The following AGTPBP1 variants were observed in gnomAD, a reference collection of about 807,000 sequenced individuals.
The protein encoded by AGTPBP1 is ATP/GTP binding carboxypeptidase 1.
A neutral mutation model predicts 143.9 loss-of-function variants in AGTPBP1; 70 were observed. The observed-to-expected ratio is 0.49, with a 90% CI of 0.40 to 0.59. The LOEUF (loss-of-function observed/expected upper bound fraction) is 0.59, where lower values mean the gene tolerates loss of function less well. Among genes scored for constraint, AGTPBP1 ranks in the 20% least tolerant of loss-of-function variants. The probability of loss-of-function intolerance (pLI) is 0.00; values close to 1 mark genes in which losing one functional copy is unlikely to be tolerated. For missense variants in AGTPBP1, 1,229 were observed against 1,464.5 expected (o/e 0.84, Z 2.62); for synonymous variants, 463 against 500.2 (o/e 0.93, Z 0.99).
chr9:85,632,548 G>T (rs1831747094), intron 14 of AGTPBP1, 114 bp downstream of exon 14: 2 of 923,316 alleles, frequency 2.2e-6, no homozygotes. Flanking sequence ...TAAAAATACA[G>T]TAACTTATAA....
upstream of AGTPBP1, chr9:85,742,104 G>T: frequency 2.0e-6 from 2 of 1,019,712 alleles, no homozygotes; most frequent in Non-Finnish European, 1.2e-6. Context: ...CGCGTCCCTT[G>T]TTACCTCCGT....
At chr9:85,693,813 G>A (rs1439119958) in intron 2 of AGTPBP1, among the ~76,000 whole-genome samples, 1 of 152,130 alleles carries the variant, frequency 6.6e-6, no homozygotes, top group African/African-American at 2.4e-5. Flanking sequence ...GGGGGAGAGA[G>A]ACAGTTTTAG....
intron 6 of AGTPBP1, 149 bp downstream of exon 6, chr9:85,677,287 G>T: frequency 2.9e-6 from 2 of 686,602 alleles, no homozygotes; most frequent in Non-Finnish European, 4.6e-6. Flanking sequence ...AAAATATCAT[G>T]TGTACCCCCA....
intron 13 of AGTPBP1, among the ~76,000 whole-genome samples, chr9:85,640,051 T>C (rs1242492570): frequency 6.6e-6 from 1 of 152,154 alleles, no homozygotes; most frequent in Non-Finnish European, 1.5e-5. Context: ...CTGAAAATAA[T>C]ATACAAATGA....
At chr9:85,555,007 A>G (rs1826247856) in intron 25 of AGTPBP1, among the ~76,000 whole-genome samples, 2 of 152,204 alleles carry the variant, frequency 1.3e-5, no homozygotes, top group Admixed American at 1.3e-4. Context: ...GGTAAGTAGA[A>G]AATGTCCAAA....
upstream of AGTPBP1, among the ~76,000 whole-genome samples, chr9:85,744,931 A>G (rs1824564190): frequency 6.6e-6 from 1 of 152,224 alleles, no homozygotes; most frequent in Non-Finnish European, 1.5e-5. Context: ...TCTATTGGTC[A>G]CTCTTTCCAC....
chr9:85,800,799 T>C, the AGTPBP1 span, among the ~76,000 whole-genome samples: 6 of 134,940 alleles, frequency 4.4e-5, no homozygotes, highest in African/African-American at 1.8e-4. Context: ...TTGCAGTCTT[T>C]AGAATGGTTG....
chr9:85,697,479 G>C (rs1341531789), intron 2 of AGTPBP1, among the ~76,000 whole-genome samples: 1 of 111,920 alleles, frequency 8.9e-6, no homozygotes, highest in African/African-American at 3.6e-5. Context: ...TTGAGGCAGA[G>C]TCTTGCTCTG....
chr9:85,555,648 A>G (rs10868321), intron 25 of AGTPBP1, among the ~76,000 whole-genome samples: 21,711 of 152,206 alleles, frequency 0.14, 2,191 homozygotes, highest in East Asian at 0.49. Flanking sequence ...GGAAGCTCAA[A>G]TTCAATGCAG....
At chr9:85,601,114 C>T (rs659238) in intron 17 of AGTPBP1, among the ~76,000 whole-genome samples, 156 of 152,238 alleles carry the variant, frequency 1.0e-3, no homozygotes, top group Non-Finnish European at 2.1e-3. Context: ...CCCCAGCTGT[C>T]GCCTGGGGCT....
At chr9:85,612,572 C>T (rs963935923) in intron 17 of AGTPBP1, among the ~76,000 whole-genome samples, 11 of 152,132 alleles carry the variant, frequency 7.2e-5, no homozygotes, top group Non-Finnish European at 1.5e-4. Flanking sequence ...TGTGAGCTGC[C>T]ATAGCAAATT....
chr9:85,794,205 A>T, the AGTPBP1 span, among the ~76,000 whole-genome samples: 1 of 152,198 alleles, frequency 6.6e-6, no homozygotes, highest in Non-Finnish European at 1.5e-5. Context: ...ATGCATGCCC[A>T]AAAGAAGCAA....
intron 14 of AGTPBP1, among the ~76,000 whole-genome samples, chr9:85,627,852 TA>T (rs1424140339): frequency 3.3e-5 from 5 of 152,216 alleles, no homozygotes; most frequent in African/African-American, 1.2e-4. Context: ...AAGAATACAG[TA>T]TATAATACAA....
chr9:85,675,997 C>T (rs1356706939), intron 6 of AGTPBP1, among the ~76,000 whole-genome samples: 1 of 152,148 alleles, frequency 6.6e-6, no homozygotes, highest in Non-Finnish European at 1.5e-5. Flanking sequence ...TGCACTCCAG[C>T]CTGGTGACAC....
Position 85,547,214 on chromosome 9 carries a change from A to T in AGTPBP1, c.3576T>A (p.Asn1192Lys). 1 of 1,613,796 alleles carries T rather than the reference A, an allele frequency of 6.2e-7. No homozygotes were observed. Among genetic ancestry groups the T allele is most frequent in the Non-Finnish European group, 8.5e-7 (1 of 1,179,882 alleles). ...CAGCCAACTCAATATCTAACTCATC[A>T]TTACTTTCTGCACTGTAATCAACTT... ...LEEVDYSAES[N>K]DELDIELAEN... is the part of the protein sequence containing the mutation. Residue 1192 changes from asparagine to lysine, a missense_variant, in exon 26 of 26, where the codon AAT becomes AAA. By Grantham distance (94) the Asn-to-Lys change is moderately conservative (BLOSUM62 0). This residue lies in a region of AGTPBP1 where 486 missense variants were observed against 652.3 expected (regional missense o/e 0.75). Coordinates refer to ENST00000357081, the MANE Select transcript of AGTPBP1 (RefSeq NM_001330701.2).
the AGTPBP1 span, among the ~76,000 whole-genome samples, chr9:85,760,996 C>T: frequency 2.6e-5 from 4 of 152,152 alleles, no homozygotes; most frequent in Non-Finnish European, 5.9e-5. Flanking sequence ...AGAGCCAAAT[C>T]ATGAGTGAAC....
rs1320192249 is a variant in AGTPBP1, at chr9:85,669,553, T to C, written c.594A>G (p.Lys198=). Reference sequence around the variant, plus strand: ...TAAACATCAGTTCCACAACTCCATTTTTCCCTAAGGATACTGAATTCACAG... The same window carrying C: ...TAAACATCAGTTCCACAACTCCATTCTTCCCTAAGGATACTGAATTCACAG... ...ANSVNSVSLG[K]NGVVELMFKI... Residue 198 remains lysine (K), a synonymous_variant, in exon 8 of 26, where the codon AAA becomes AAG. Coordinates refer to ENST00000357081, the MANE Select transcript of AGTPBP1 (RefSeq NM_001330701.2). 9 of 1,612,168 alleles carry C rather than the reference T, an allele frequency of 5.6e-6. No individual in the cohort carries two copies. Among genetic ancestry groups the C allele is most frequent in the Non-Finnish European group, 6.8e-6 (8 of 1,178,662 alleles).
chr9:85,726,165 G>T (rs192675040), intron 1 of AGTPBP1, among the ~76,000 whole-genome samples: 96 of 149,836 alleles, frequency 6.4e-4, no homozygotes, highest in Non-Finnish European at 1.2e-3. Flanking sequence ...GGAAGATTGA[G>T]GCTACAGTGA....
At chr9:85,695,811 A>G (rs575786657) in intron 2 of AGTPBP1, among the ~76,000 whole-genome samples, 1 of 151,992 alleles carries the variant, frequency 6.6e-6, no homozygotes, top group Non-Finnish European at 1.5e-5. Context: ...TCAGACTGGG[A>G]TATTTTGCCA....
Sources: gnomAD v4.1 joint callset for allele counts (sites outside exome capture counted in the v4.1 genomes callset) on GRCh38, gnomAD v4.1.1 for gene constraint, gnomAD v4.1.1 regional missense constraint, MANE v1.5 for transcripts, NCBI Gene and HGNC (gene_info 2026-07-23, HGNC 2026-07-21) for gene names.